The following LRP1B variants were observed in gnomAD, a reference collection of about 807,000 sequenced individuals.
LRP1B encodes low-density lipoprotein receptor-related protein 1B.
In LRP1B, 217 loss-of-function variants were observed where a neutral mutation model predicts 556.6. That is an observed-to-expected ratio of 0.39 (90% CI 0.35 to 0.44). The LOEUF (loss-of-function observed/expected upper bound fraction) is 0.44, where lower values mean the gene tolerates loss of function less well. Ranked by LOEUF, LRP1B falls within the 20% of genes least tolerant of loss-of-function variation. The pLI, the probability that LRP1B is intolerant of heterozygous loss-of-function variation, is 1.00. For synonymous variants in LRP1B, 2,047 were observed against 1,865.8 expected, an observed-to-expected ratio of 1.10 and a Z score of -2.50; for missense variants, 5,053 against 5,620.8, an observed-to-expected ratio of 0.90 and a Z score of 3.23.
intron 2 of LRP1B, among the ~76,000 whole-genome samples, chr2:141,723,555 G>A (rs962818319): frequency 6.6e-6 from 1 of 151,712 alleles, no homozygotes; most frequent in Non-Finnish European, 1.5e-5. Context: ...ATCAGAGAAT[G>A]AAGAGAAAAG....
intron 7 of LRP1B, among the ~76,000 whole-genome samples, chr2:141,094,720 A>C (rs1700253452): frequency 6.6e-6 from 1 of 152,218 alleles, no homozygotes. Context: ...GAAGAACTTC[A>C]TTACAATAGG....
At chr2:140,615,311 C>A (rs571748150) in intron 41 of LRP1B, among the ~76,000 whole-genome samples, 2 of 152,208 alleles carry the variant, frequency 1.3e-5, no homozygotes. Flanking sequence ...CCTGACCCAA[C>A]AATCATCATT....
At position 142,042,620 on chromosome 2, in the gene LRP1B, G is replaced by T. The variant is rs115569659; in HGVS notation, c.82+88028C>A. Reference sequence around the variant, plus strand: ...AATGTTTCTTCAGCAATCCTGGCAAGGCTTGCCTTAGCTATATATACTAGG... The same window carrying T: ...AATGTTTCTTCAGCAATCCTGGCAATGCTTGCCTTAGCTATATATACTAGG... On this transcript the variant is annotated intron_variant, in intron 1 of 90. Coordinates refer to ENST00000389484, the MANE Select transcript of LRP1B (RefSeq NM_018557.3). Among the ~76,000 whole-genome samples, 1,142 of 151,554 alleles carry T rather than the reference G, an allele frequency of 7.5e-3. 11 individuals are homozygous for T. Among genetic ancestry groups the T allele is most frequent in the African/African-American group, 0.026 (1,088 of 41,426 alleles).
At chr2:140,315,194 T>A in intron 82 of LRP1B, 95 bp from the exon 83 acceptor site, 1 of 799,454 alleles carries the variant, frequency 1.3e-6, no homozygotes, top group Non-Finnish European at 1.8e-6. Context: ...ACTAGGATCT[T>A]GTGTTTCCAT....
intron 2 of LRP1B, among the ~76,000 whole-genome samples, chr2:141,751,816 A>C (rs1257226354): frequency 6.6e-6 from 1 of 151,212 alleles, no homozygotes; most frequent in Admixed American, 6.6e-5. Context: ...TAGCCTTGAA[A>C]ATTAAGAATA....
intron 58 of LRP1B, among the ~76,000 whole-genome samples, chr2:140,485,884 A>G (rs202121130): frequency 1.8e-5 from 1 of 55,464 alleles, no homozygotes; most frequent in African/African-American, 5.1e-5. Context: ...CACACACACA[A>G]ACTTAGAGAT....
At chr2:141,611,513 C>T (rs73965730) in intron 2 of LRP1B, among the ~76,000 whole-genome samples, 9 of 152,028 alleles carry the variant, frequency 5.9e-5, no homozygotes, top group South Asian at 2.1e-4. Flanking sequence ...AAGAAAAGAG[C>T]GCAGCCTTAA....
intron 2 of LRP1B, among the ~76,000 whole-genome samples, chr2:141,696,149 A>G (rs1483494587): frequency 1.3e-5 from 2 of 151,920 alleles, no homozygotes; most frequent in Non-Finnish European, 2.9e-5. Context: ...TTCCTCTATC[A>G]TTTTGCATTT....
intron 44 of LRP1B, 47 bp downstream of exon 44, chr2:140,541,732 A>G: frequency 7.2e-7 from 1 of 1,390,284 alleles, no homozygotes; most frequent in South Asian, 1.4e-5. Flanking sequence ...TTTAGAGATC[A>G]GAGATTATAC....
At chr2:141,302,776 T>C (rs142502861) in intron 3 of LRP1B, among the ~76,000 whole-genome samples, 2 of 152,080 alleles carry the variant, frequency 1.3e-5, no homozygotes, top group Non-Finnish European at 2.9e-5. Context: ...TCAAATCTAT[T>C]TGGATAGATT....
rs191654135 is a variant in LRP1B at position 140,742,210 on chromosome 2, T to C, written c.5759-25394A>G. On this transcript the variant is annotated intron_variant, in intron 35 of 90. Transcript: ENST00000389484. ...CGTATTTGTCATAGGACCAATGTAA[T>C]TGACTGAAAAGTACAGGCACAGGGT... 2.0e-5 allele frequency among the ~76,000 whole-genome samples: 3 copies of C among 152,312 alleles called. No individual in the cohort carries two copies. In the East Asian group the frequency reaches 5.8e-4, roughly 29 times the overall value.
chr2:140,965,803 TG>T (rs1452069127), intron 18 of LRP1B, among the ~76,000 whole-genome samples: 2 of 49,120 alleles, frequency 4.1e-5, no homozygotes, highest in African/African-American at 1.2e-4. Flanking sequence ...GAACATGCAG[TG>T]TTTTTTTTTT....
intron 25 of LRP1B, among the ~76,000 whole-genome samples, chr2:140,882,270 T>A (rs1559173015): frequency 6.6e-6 from 1 of 152,056 alleles, no homozygotes; most frequent in Non-Finnish European, 1.5e-5. Context: ...AAGTGTAGGG[T>A]CAGTATCAGC....
At chr2:140,359,047 G>A (rs2105139200) in intron 72 of LRP1B, 101 bp from the exon 73 acceptor site, 1 of 1,188,296 alleles carries the variant, frequency 8.4e-7, no homozygotes, top group Middle Eastern at 2.1e-4. Context: ...CCATAAGCTA[G>A]CTTTTCTAAA....
At chr2:141,011,224 C>A (rs1418814179) in intron 14 of LRP1B, among the ~76,000 whole-genome samples, 1 of 148,886 alleles carries the variant, frequency 6.7e-6, no homozygotes, top group African/African-American at 2.5e-5. Flanking sequence ...AACAGTCTAA[C>A]AGGACAATAT....
chr2:141,670,975 T>C (rs768631828), intron 2 of LRP1B, among the ~76,000 whole-genome samples: 1 of 152,234 alleles, frequency 6.6e-6, no homozygotes, highest in Non-Finnish European at 1.5e-5. Context: ...AAAACTAATA[T>C]ATAATGGTAT....
intron 8 of LRP1B, 44 bp downstream of exon 8, chr2:141,062,007 C>T: frequency 1.3e-6 from 2 of 1,533,814 alleles, no homozygotes; most frequent in Admixed American, 3.4e-5. Context: ...TTATTCCTTT[C>T]TTTTTATTAC....
At chr2:141,823,933 C>T (rs1445936597) in intron 1 of LRP1B, among the ~76,000 whole-genome samples, 5 of 152,122 alleles carry the variant, frequency 3.3e-5, no homozygotes, top group African/African-American at 9.7e-5. Context: ...CTTGGCCTTC[C>T]AAAATGCTGT....
In LRP1B at chr2:141,486,638, G is replaced by T. The variant is rs1574002327; in HGVS notation, c.206-6105C>A. ...TACACGGTATTATATCCCACCTTTT[G>T]GGTCTTGTCCTATCTAGAATTGCCT... is the stretch of plus-strand genomic sequence containing the variant. On this transcript the variant is annotated intron_variant, in intron 2 of 90. Coordinates refer to ENST00000389484, the MANE Select transcript of LRP1B (RefSeq NM_018557.3). 3.3e-5 allele frequency among the ~76,000 whole-genome samples: 5 copies of T among 151,928 alleles called. No homozygotes were observed. In the South Asian group the frequency reaches 1.0e-3, roughly 32 times the overall value.
Sources: gnomAD v4.1 joint callset for allele counts (sites outside exome capture counted in the v4.1 genomes callset) on GRCh38, gnomAD v4.1.1 for gene constraint, MANE v1.5 for transcripts, NCBI Gene and HGNC (gene_info 2026-07-23, HGNC 2026-07-21) for gene names.